Variants in LRRK2 observed in about 807,000 individuals in gnomAD.
LRRK2 encodes leucine rich repeat kinase 2.
Under a neutral mutation model 302.6 loss-of-function variants are expected in LRRK2, and 203 were observed. The ratio of observed to expected loss-of-function variants is 0.67; its 90% confidence interval spans 0.60 to 0.75. The LOEUF is 0.75. Among genes scored for constraint, LRRK2 ranks in the 30% least tolerant of loss-of-function variants. LRRK2 has a pLI of 0.00. For synonymous variants in LRRK2, 1,066 were observed against 1,031.9 expected (o/e 1.03, Z -0.63); for missense variants, 2,830 against 2,951.0 (o/e 0.96, Z 0.95).
At position 40,328,440 on chromosome 12, in the gene LRRK2, T is replaced by A; in HGVS notation, c.5737T>A (p.Ser1913Thr). 6.2e-7 allele frequency: 1 copy of A among 1,611,758 alleles called. No homozygotes were observed. Among genetic ancestry groups the A allele is most frequent in the Non-Finnish European group, 8.5e-7 (1 of 1,178,230 alleles). ...TGTGAAGATTTTTAATAAACATACA[T>A]CACTCAGGCTGTTAAGACAAGTAAG... ...VAVKIFNKHT[S>T]LRLLRQELVV... The change falls in exon 39 of 51, where the codon TCA becomes ACA. Residue 1913 changes from serine (S) to threonine (T), a missense_variant. This residue lies in a region of LRRK2 where 253 missense variants were observed against 346.7 expected (regional missense o/e 0.73). Coordinates refer to ENST00000298910, the MANE Select transcript of LRRK2 (RefSeq NM_198578.4).
At chr12:40,264,493 C>T (rs1475282507) in intron 14 of LRRK2, among the ~76,000 whole-genome samples, 1 of 152,130 alleles carries the variant, frequency 6.6e-6, no homozygotes, top group African/African-American at 2.4e-5. Context: ...GTGGCACGTG[C>T]CTGTAATCCC....
chr12:40,260,294 C>A (rs1243574276), intron 13 of LRRK2, among the ~76,000 whole-genome samples: 2 of 151,694 alleles, frequency 1.3e-5, no homozygotes, highest in African/African-American at 2.4e-5. Flanking sequence ...TAACAGGCAG[C>A]GTGAGAGAGG....
intron 43 of LRRK2, 75 bp downstream of exon 43, chr12:40,348,584 A>G (rs1663779854): frequency 1.1e-6 from 1 of 918,720 alleles, no homozygotes; most frequent in East Asian, 2.6e-5. Flanking sequence ...ATCTTCAAAT[A>G]TATATACTTA....
intron 4 of LRRK2, among the ~76,000 whole-genome samples, chr12:40,236,655 A>G (rs1239780322): frequency 6.6e-6 from 1 of 152,110 alleles, no homozygotes; most frequent in Non-Finnish European, 1.5e-5. Context: ...GAGAGGCTGG[A>G]CGTGTGATTG....
Position 40,346,762 on chromosome 12 carries a change from C to G in LRRK2, c.6119C>G (p.Ala2040Gly). The G allele has an allele frequency of 1.9e-6, 3 of 1,613,818 alleles. No homozygotes were observed. Among genetic ancestry groups the G allele is most frequent in the Non-Finnish European group, 2.5e-6 (3 of 1,179,840 alleles). ...ATCTGCTTACTTTCAGGGTTTCGTGCACCTGAAGTTGCCAGAGGAAATGTC... is the reference window on the plus strand; with the variant it reads ...ATCTGCTTACTTTCAGGGTTTCGTGGACCTGAAGTTGCCAGAGGAAATGTC... ...KTSEGTPGFR[A>G]PEVARGNVIY... The change falls in exon 42 of 51, where the codon GCA becomes GGA. Residue 2040 changes from alanine (A) to glycine (G), a missense_variant. This residue lies in a region of LRRK2 where 253 missense variants were observed against 346.7 expected (regional missense o/e 0.73). Coordinates refer to ENST00000298910, the MANE Select transcript of LRRK2 (RefSeq NM_198578.4).
chr12:40,331,586 TA>T (rs1428090984), intron 39 of LRRK2, among the ~76,000 whole-genome samples: 1 of 94,840 alleles, frequency 1.1e-5, no homozygotes, highest in African/African-American at 3.9e-5. Context: ...CTGATGAGCT[TA>T]AAAAAATTAC....
In LRRK2 at chr12:40,311,246, G is replaced by A. The variant is rs1215088347; in HGVS notation, c.4536+597G>A. Among the ~76,000 whole-genome samples the A allele has an allele frequency of 5.3e-5, 8 of 151,986 alleles. No homozygotes were observed. In the South Asian group the frequency reaches 1.0e-3, roughly 20 times the overall value. On this transcript the variant is annotated intron_variant, in intron 31 of 50. Coordinates refer to ENST00000298910, the MANE Select transcript of LRRK2 (RefSeq NM_198578.4). The stretch of plus-strand genomic sequence containing the variant: ...ACTAATTACTTAGTTCATACAAAAT[G>A]GGCTTTTTATTTTAGGAATTATGTT...
rs755083477 is a variant in LRRK2, at chr12:40,356,093, A to G, written c.6771-22A>G. 8 of 1,571,056 alleles carry G rather than the reference A, an allele frequency of 5.1e-6. No homozygotes were observed. The East Asian group carries it at 1.3e-4, about 26-fold the overall frequency. On this transcript the variant is annotated intron_variant, in intron 45 of 50. Coordinates refer to ENST00000298910, the MANE Select transcript of LRRK2 (RefSeq NM_198578.4). ...CAACATACATGTTCTTTTTGTAACA[A>G]TTTCAACATTTTTCCTTTTAGCAAA...
Position 40,251,506 on chromosome 12 carries a change from A to C in LRRK2, c.1143A>C (p.Gln381His). ...CACTAAATAATCTCCTTATGTACCA[A>C]AACAGTTTACATGAGAAGATTGGAG... ...CWALNNLLMY[Q>H]NSLHEKIGDE... is the part of the protein sequence containing the mutation. The change falls in exon 10 of 51, where the codon CAA becomes CAC. Residue 381 changes from glutamine to histidine, a missense_variant. Physicochemically the swap from Gln to His is conservative, Grantham distance 24. Around this residue, in one of 3 missense-constraint regions of LRRK2, gnomAD observed 2,121 missense variants for 2,148.0 expected, o/e 0.99. Transcript: ENST00000298910. 1 of 1,612,830 alleles carries C rather than the reference A, an allele frequency of 6.2e-7. No individual in the cohort carries two copies. Among genetic ancestry groups the C allele is most frequent in the Non-Finnish European group, 8.5e-7 (1 of 1,179,298 alleles).
At chr12:40,233,761 C>T (rs554810292) in intron 3 of LRRK2, among the ~76,000 whole-genome samples, 1 of 152,274 alleles carries the variant, frequency 6.6e-6, no homozygotes, top group African/African-American at 2.4e-5. Context: ...TAGTCATATT[C>T]CTGTACAAAC....
intron 24 of LRRK2, among the ~76,000 whole-genome samples, chr12:40,298,800 A>ATATATATATATATATATATATATATATAT (rs1565726968): frequency 2.0e-5 from 1 of 50,600 alleles, no homozygotes; most frequent in East Asian, 4.4e-4. Context: ...TATATATATA[A>ATATATATATATATATATATATATATATAT]TATATGTATT....
intron 43 of LRRK2, among the ~76,000 whole-genome samples, chr12:40,351,321 A>G (rs998242410): frequency 1.3e-5 from 2 of 152,176 alleles, no homozygotes; most frequent in Non-Finnish European, 2.9e-5. Flanking sequence ...TACTACACAT[A>G]CCAAAGAGTA....
chr12:40,343,121 G>C (rs1224823785), intron 41 of LRRK2, among the ~76,000 whole-genome samples: 2 of 152,234 alleles, frequency 1.3e-5, no homozygotes, highest in Admixed American at 1.3e-4. Flanking sequence ...GTCCAGCACT[G>C]TGATAGCTGG....
intron 41 of LRRK2, among the ~76,000 whole-genome samples, chr12:40,343,546 C>G (rs1592315507): frequency 6.6e-6 from 1 of 152,152 alleles, no homozygotes; most frequent in Non-Finnish European, 1.5e-5. Context: ...GTGATATGTA[C>G]TCAGACTTAA....
chr12:40,318,975 C>A (rs1010184542), intron 33 of LRRK2, among the ~76,000 whole-genome samples: 1 of 152,012 alleles, frequency 6.6e-6, no homozygotes, highest in Non-Finnish European at 1.5e-5. Flanking sequence ...AATAGAAATA[C>A]AGAAATGGGT....
intron 24 of LRRK2, among the ~76,000 whole-genome samples, chr12:40,298,821 AT>A (rs1565727057): frequency 2.8e-4 from 33 of 116,402 alleles, no homozygotes; most frequent in Middle Eastern, 3.9e-3. Flanking sequence ...ATAATATATA[AT>A]ACATATATTA....
At chr12:40,253,118 C>A in intron 11 of LRRK2, 102 bp downstream of exon 11, 2 of 744,328 alleles carry the variant, frequency 2.7e-6, no homozygotes, top group Non-Finnish European at 4.6e-6. Flanking sequence ...ATTTATAAAG[C>A]TATATATTGT....
intron 19 of LRRK2, chr12:40,286,771 G>A (rs907926825): frequency 4.5e-5 from 7 of 155,616 alleles, no homozygotes; most frequent in Non-Finnish European, 8.6e-5. Context: ...CTTCATAGTA[G>A]AGCTAATACA....
chr12:40,230,668 CTTTTTTT>C (rs3057613), intron 2 of LRRK2, among the ~76,000 whole-genome samples: 46 of 135,316 alleles, frequency 3.4e-4, no homozygotes, highest in African/African-American at 1.2e-3. Context: ...TGCACTTTCT[CTTTTTTT>C]TTTTTTTTTT....
Sources: gnomAD v4.1 joint callset for allele counts (sites outside exome capture counted in the v4.1 genomes callset) on GRCh38, gnomAD v4.1.1 for gene constraint, gnomAD v4.1.1 regional missense constraint, MANE v1.5 for transcripts, NCBI Gene and HGNC (gene_info 2026-07-23, HGNC 2026-07-21) for gene names.